The following ENOX1 variants were observed in gnomAD, a reference collection of about 807,000 sequenced individuals.
The protein encoded by ENOX1 is ecto-NOX disulfide-thiol exchanger 1, also known as candidate growth-related and time keeping constitutive hydroquinone (NADH) oxidase.
A neutral mutation model predicts 82.5 loss-of-function variants in ENOX1; 42 were observed. The observed-to-expected ratio is 0.51, with a 90% CI of 0.40 to 0.66. The LOEUF is 0.66. Ranked by LOEUF, ENOX1 falls within the 30% of genes least tolerant of loss-of-function variation. The pLI is 0.00. For synonymous variants in ENOX1, 271 were observed against 282.2 expected, an observed-to-expected ratio of 0.96 and a Z score of 0.40; for missense variants, 608 against 811.6, an observed-to-expected ratio of 0.75 and a Z score of 3.05.
intron 2 of ENOX1, among the ~76,000 whole-genome samples, chr13:43,559,171 G>A (rs1294953270): frequency 6.6e-6 from 1 of 152,186 alleles, no homozygotes; most frequent in Admixed American, 6.5e-5. Flanking sequence ...CCTGTACAAG[G>A]AAGCAGGGGA....
chr13:43,322,358 G>A (rs2047858400), intron 11 of ENOX1, 26 bp downstream of exon 11: 1 of 1,555,790 alleles, frequency 6.4e-7, no homozygotes, highest in Admixed American at 1.7e-5. Flanking sequence ...GATACCTCAT[G>A]GGTCTGTGGC....
At chr13:43,503,228 T>C (rs1200046314) in intron 2 of ENOX1, among the ~76,000 whole-genome samples, 1 of 151,490 alleles carries the variant, frequency 6.6e-6, no homozygotes, top group South Asian at 2.1e-4. Flanking sequence ...CACAAATAAA[T>C]AAAAATCCCA....
At chr13:43,500,451 A>G (rs1374057432) in intron 2 of ENOX1, among the ~76,000 whole-genome samples, 2 of 152,096 alleles carry the variant, frequency 1.3e-5, no homozygotes, top group Non-Finnish European at 2.9e-5. Flanking sequence ...AAAGAGAAAA[A>G]AAGTTGCCAT....
chr13:43,642,011 G>T (rs1323017717), intron 2 of ENOX1, among the ~76,000 whole-genome samples: 1 of 152,174 alleles, frequency 6.6e-6, no homozygotes, highest in South Asian at 2.1e-4. Context: ...TTTGTAAGGT[G>T]CTTTTCATCA....
intron 2 of ENOX1, among the ~76,000 whole-genome samples, chr13:43,636,097 G>A (rs1174657271): frequency 1.3e-5 from 2 of 152,226 alleles, no homozygotes; most frequent in East Asian, 1.9e-4. Flanking sequence ...ACCACCTCAG[G>A]CTGCCTGAGG....
At chr13:43,551,520 A>G (rs1566509283) in intron 2 of ENOX1, among the ~76,000 whole-genome samples, 1 of 152,230 alleles carries the variant, frequency 6.6e-6, no homozygotes, top group Non-Finnish European at 1.5e-5. Context: ...ATCTTTTAAG[A>G]TAAAAACATT....
At chr13:43,356,239 G>T in intron 7 of ENOX1, 87 bp from the exon 8 acceptor site, 2 of 1,138,378 alleles carry the variant, frequency 1.8e-6, no homozygotes, top group Non-Finnish European at 2.5e-6. Context: ...TTAGGCAAAT[G>T]CTCACTTATT....
At chr13:43,346,364 A>T (rs769358443) in intron 8 of ENOX1, among the ~76,000 whole-genome samples, 8 of 152,190 alleles carry the variant, frequency 5.3e-5, no homozygotes, top group Non-Finnish European at 8.8e-5. Context: ...CCTGCTGCAC[A>T]GCAGCCTTCT....
intron 9 of ENOX1, among the ~76,000 whole-genome samples, chr13:43,331,600 C>T (rs777827934): frequency 3.4e-4 from 51 of 152,224 alleles, no homozygotes; most frequent in Middle Eastern, 3.4e-3. Flanking sequence ...ACCTCTCCCA[C>T]CCCAGCTTGT....
At chr13:43,413,709 TTA>T (rs1566157285) in intron 3 of ENOX1, among the ~76,000 whole-genome samples, 72 of 144,644 alleles carry the variant, frequency 5.0e-4, no homozygotes, top group South Asian at 2.1e-4. Context: ...TTTTATATAT[TTA>T]TATATATTTA....
At chr13:43,756,028 A>G (rs549645796) in intron 1 of ENOX1, among the ~76,000 whole-genome samples, 11 of 152,356 alleles carry the variant, frequency 7.2e-5, no homozygotes, top group Admixed American at 1.3e-4. Context: ...CAAAGCTTTA[A>G]GCAGGCTATA....
intron 2 of ENOX1, among the ~76,000 whole-genome samples, chr13:43,630,846 CAT>C (rs750617533): frequency 7.7e-4 from 107 of 139,534 alleles, no homozygotes; most frequent in African/African-American, 2.4e-3. Flanking sequence ...CACACACACA[CAT>C]ATATATATAT....
At position 43,728,588 on chromosome 13, in the gene ENOX1, T is replaced by C. The variant is rs76201607; in HGVS notation, c.-285+58064A>G. ...GACCGAGGGCTCTCTGGGATGGTAA[T>C]AGATTCTGAAGAAAATAAGCATCTC... On this transcript the variant is annotated intron_variant, in intron 1 of 16. Transcript: ENST00000690772. Among the ~76,000 whole-genome samples the C allele has an allele frequency of 1.7e-3, 254 of 152,274 alleles. 1 individual carries two copies. The highest frequency in any genetic ancestry group is 6.8e-3 in the Middle Eastern group (2 of 294).
At chr13:43,470,283 CAT>C (rs375163688) in intron 3 of ENOX1, among the ~76,000 whole-genome samples, 22,979 of 62,736 alleles carry the variant, frequency 0.37, 5,505 homozygotes, top group Non-Finnish European at 0.5. Context: ...CATATATATA[CAT>C]ATATATATAC....
chr13:43,775,911 G>T (rs1951891497), intron 1 of ENOX1, among the ~76,000 whole-genome samples: 1 of 152,122 alleles, frequency 6.6e-6, no homozygotes, highest in South Asian at 2.1e-4. Flanking sequence ...TTGCTCCATT[G>T]ACAGACCTTC....
At chr13:43,453,010 C>A (rs1010727549) in intron 3 of ENOX1, among the ~76,000 whole-genome samples, 5 of 152,134 alleles carry the variant, frequency 3.3e-5, no homozygotes, top group Non-Finnish European at 5.9e-5. Flanking sequence ...TAGAAAGAAA[C>A]CTGAACTAAG....
At chr13:43,566,588 T>C (rs942395373) in intron 2 of ENOX1, among the ~76,000 whole-genome samples, 2 of 151,990 alleles carry the variant, frequency 1.3e-5, no homozygotes, top group Non-Finnish European at 2.9e-5. Context: ...AATACTTCTA[T>C]CTGCAGCAAT....
Position 43,445,403 on chromosome 13 carries a change from G to A in ENOX1, c.-74-32415C>T, listed in dbSNP as rs1019756266. Among the ~76,000 whole-genome samples, 14 of 152,134 alleles carry A rather than the reference G, an allele frequency of 9.2e-5. No homozygotes were observed. The South Asian group carries it at 1.2e-3, about 14-fold the overall frequency. ...CTCCCAAAGTGCTGGGATTACAGGT[G>A]TGAGCCACTGCCCCCGGCCCACTTT... On this transcript the variant is annotated intron_variant, in intron 3 of 16. Coordinates refer to ENST00000690772, the MANE Select transcript of ENOX1 (RefSeq NM_001347969.2).
intron 1 of ENOX1, among the ~76,000 whole-genome samples, chr13:43,719,264 A>G (rs1257210412): frequency 3.4e-5 from 5 of 148,122 alleles, no homozygotes; most frequent in Admixed American, 6.8e-5. Flanking sequence ...TTTTATACCT[A>G]CCACTGAGTT....
Sources: allele counts gnomAD v4.1 joint callset (sites outside exome capture counted in the v4.1 genomes callset), GRCh38; gene constraint gnomAD v4.1.1; transcripts MANE v1.5; gene names NCBI Gene and HGNC (gene_info 2026-07-23, HGNC 2026-07-21).